Variants in COL25A1 observed in about 807,000 individuals in gnomAD.
COL25A1 encodes the protein collagen type XXV alpha 1 chain, also known as collagen alpha-1(XXV) chain.
Under a neutral mutation model 128.4 loss-of-function variants are expected in COL25A1, and 103 were observed. The ratio of observed to expected loss-of-function variants is 0.80; its 90% CI spans 0.68 to 0.94. COL25A1 has a LOEUF of 0.94. Ranked by LOEUF, COL25A1 falls within the 40% of genes least tolerant of loss-of-function variation. The pLI, the probability that COL25A1 is intolerant of heterozygous loss-of-function variation, is 0.00. For missense variants in COL25A1, 745 were observed against 840.0 expected, an observed-to-expected ratio of 0.89 and a Z score of 1.40; for synonymous variants, 279 against 277.2, an observed-to-expected ratio of 1.01 and a Z score of -0.06.
rs201241053 is a variant in COL25A1, at chr4:108,824,261, T to C, written c.1792-34A>G. On this transcript the variant is annotated intron_variant, in intron 34 of 37. Transcript: ENST00000399132. ...TAAAAAGCAAACCAAAAAGATCTAT[T>C]GGTGTAATAGTGGCAAAATCATATA... 35 of 1,494,392 alleles carry C rather than the reference T, an allele frequency of 2.3e-5. No individual in the cohort carries two copies. The East Asian group carries it at 7.7e-4, about 33-fold the overall frequency. The allele number at this position is 1,494,392 out of a possible 1,614,324, so 92.6% of individuals were successfully genotyped here.
chr4:109,199,374 G>T (rs913410281), intron 3 of COL25A1, among the ~76,000 whole-genome samples: 2 of 151,794 alleles, frequency 1.3e-5, no homozygotes, highest in Admixed American at 6.6e-5. Context: ...TCGTACTCTG[G>T]GCTCAAGGGA....
intron 32 of COL25A1, among the ~76,000 whole-genome samples, chr4:108,830,131 T>C (rs79274807): frequency 0.027 from 4,098 of 152,340 alleles, 72 homozygotes; most frequent in African/African-American, 0.038. Context: ...TGAAAACTTT[T>C]AGGAATGAAA....
Position 108,863,364 on chromosome 4 carries a change from A to T in COL25A1, c.1107T>A (p.Pro369=). Residue 369 remains proline, a synonymous_variant, in exon 21 of 38, where the codon CCT becomes CCA. Coordinates refer to ENST00000399132, the MANE Select transcript of COL25A1 (RefSeq NM_198721.4). ...GTTCCCCTCGCTCACCTCTTCCAGG[A>T]GGCCCTGCTTCCCCCCGTTCACCCT... is the stretch of plus-strand genomic sequence containing the variant. ...GTKGERGEAG[P]PGRGERGEPG... 6.2e-7 allele frequency: 1 copy of T among 1,613,942 alleles called. No individual in the cohort carries two copies. The highest frequency in any genetic ancestry group is 8.5e-7 in the Non-Finnish European group (1 of 1,179,972).
rs371815151 is a variant in COL25A1 at position 108,965,451 on chromosome 4, T to G, written c.492+8916A>C. Among the ~76,000 whole-genome samples, 51 of 152,366 alleles carry G rather than the reference T, an allele frequency of 3.3e-4. No individual in the cohort carries two copies. The South Asian group carries it at 0.011, about 32-fold the overall frequency. On this transcript the variant is annotated intron_variant, in intron 8 of 37. Coordinates refer to ENST00000399132, the MANE Select transcript of COL25A1 (RefSeq NM_198721.4). ...GATAACTTCATGACGTTTCTTCATT[T>G]TATTGCCTAAGTTTGATTAATAAAT...
chr4:109,240,338 A>G (rs1263110793), intron 3 of COL25A1, among the ~76,000 whole-genome samples: 1 of 152,076 alleles, frequency 6.6e-6, no homozygotes, highest in Admixed American at 6.6e-5. Flanking sequence ...CACAACAGCT[A>G]TGACATTATT....
intron 35 of COL25A1, among the ~76,000 whole-genome samples, chr4:108,820,516 A>T (rs1036507108): frequency 6.6e-6 from 1 of 152,138 alleles, no homozygotes; most frequent in Non-Finnish European, 1.5e-5. Context: ...AACTTTTTTT[A>T]AAAGAAACTA....
intron 3 of COL25A1, among the ~76,000 whole-genome samples, chr4:109,105,324 A>G (rs1388831915): frequency 3.3e-5 from 5 of 152,078 alleles, no homozygotes; most frequent in African/African-American, 1.2e-4. Flanking sequence ...AAATACAAAA[A>G]TTAGCTGAGC....
intron 16 of COL25A1, among the ~76,000 whole-genome samples, chr4:108,890,954 C>T (rs1369479022): frequency 6.6e-6 from 1 of 152,196 alleles, no homozygotes; most frequent in Non-Finnish European, 1.5e-5. Flanking sequence ...CATCTTACTC[C>T]GTAGCATCAT....
intron 6 of COL25A1, among the ~76,000 whole-genome samples, chr4:109,000,122 A>G (rs2126027346): frequency 6.6e-6 from 1 of 152,322 alleles, no homozygotes; most frequent in East Asian, 1.9e-4. Context: ...TAACAATAAA[A>G]AAAAGCTCTG....
chr4:108,941,236 G>A (rs1308028380), intron 9 of COL25A1, 130 bp downstream of exon 9: 2 of 562,928 alleles, frequency 3.6e-6, no homozygotes, highest in African/African-American at 3.8e-5. Context: ...TTTTGTTTGA[G>A]GATATTTCCA....
chr4:108,911,231 C>A (rs1298575339), intron 13 of COL25A1, among the ~76,000 whole-genome samples: 3 of 152,188 alleles, frequency 2.0e-5, no homozygotes, highest in African/African-American at 7.2e-5. Context: ...GTTTTAGGAA[C>A]AGAATTCTAA....
At chr4:109,158,026 C>T (rs1284129807) in intron 3 of COL25A1, among the ~76,000 whole-genome samples, 1 of 152,170 alleles carries the variant, frequency 6.6e-6, no homozygotes, top group Admixed American at 6.5e-5. Context: ...TGTTGACAAA[C>T]CACCTGTTGA....
chr4:108,917,523 G>A (rs566133451), intron 13 of COL25A1, among the ~76,000 whole-genome samples: 7 of 152,266 alleles, frequency 4.6e-5, no homozygotes, highest in South Asian at 4.2e-4. Flanking sequence ...CTAAAGGGCC[G>A]GTCAGGGATG....
rs570709069 is a variant in COL25A1 at position 109,258,031 on chromosome 4, T to C, written c.367+42552A>G. On this transcript the variant is annotated intron_variant, in intron 3 of 37. Coordinates refer to ENST00000399132, the MANE Select transcript of COL25A1 (RefSeq NM_198721.4). ...CTAAGGAGACATCTATAAATCATCA[T>C]TGATGCCTTCTTCTCCCTTACCAAT... is the stretch of plus-strand genomic sequence containing the variant. 2.0e-5 allele frequency among the ~76,000 whole-genome samples: 3 copies of C among 152,340 alleles called. No individual in the cohort carries two copies. In the South Asian group the frequency reaches 6.2e-4, roughly 32 times the overall value.
At chr4:109,157,624 C>T (rs1772159728) in intron 3 of COL25A1, among the ~76,000 whole-genome samples, 1 of 152,138 alleles carries the variant, frequency 6.6e-6, no homozygotes, top group Non-Finnish European at 1.5e-5. Flanking sequence ...CATTCAAAAG[C>T]ATGTTAATAC....
chr4:109,234,449 A>AG (rs1372714264), intron 3 of COL25A1, among the ~76,000 whole-genome samples: 1 of 152,160 alleles, frequency 6.6e-6, no homozygotes, highest in Non-Finnish European at 1.5e-5. Flanking sequence ...AGAAAAGAGT[A>AG]GGTCTATGTC....
chr4:108,855,773 T>C (rs993560997), intron 24 of COL25A1, among the ~76,000 whole-genome samples: 7 of 152,050 alleles, frequency 4.6e-5, no homozygotes, highest in African/African-American at 1.4e-4. Context: ...AGCTAATAGG[T>C]TTCAATGACA....
chr4:108,873,777 T>C (rs1362678140), intron 19 of COL25A1, among the ~76,000 whole-genome samples: 3 of 152,136 alleles, frequency 2.0e-5, no homozygotes, highest in Non-Finnish European at 4.4e-5. Context: ...GCAGTTGAGA[T>C]TGCAAAACCA....
rs572134893 is a variant in COL25A1 at position 108,869,075 on chromosome 4, G to A, written c.1083+13C>T. On this transcript the variant is annotated intron_variant, in intron 20 of 37. Transcript: ENST00000399132. The stretch of plus-strand genomic sequence containing the variant: ...AAAAAGAAAGAAAGAAGGAAAGAAA[G>A]AGGCCCACTTACTTTTGTTCCTGGT... The A allele has an allele frequency of 9.3e-6, 14 of 1,506,308 alleles. No homozygotes were observed. Among genetic ancestry groups the A allele is most frequent in the Admixed American group, 1.9e-5 (1 of 53,778 alleles). 93.3% of individuals were successfully genotyped at this position (1,506,308 alleles called of 1,614,324 possible).
Sources: gnomAD v4.1 joint callset for allele counts (sites outside exome capture counted in the v4.1 genomes callset) on GRCh38, gnomAD v4.1.1 for gene constraint, MANE v1.5 for transcripts, NCBI Gene and HGNC (gene_info 2026-07-23, HGNC 2026-07-21) for gene names.